Variants in NRG1 observed in about 807,000 individuals in gnomAD.
NRG1 encodes pro-neuregulin-1, membrane-bound isoform.
In NRG1, 18 loss-of-function variants were observed where a neutral mutation model predicts 63.8. That is an observed-to-expected ratio of 0.28 (90% CI 0.19 to 0.42). NRG1 has a LOEUF of 0.42. NRG1 is among the 10% of genes least tolerant of loss of function. The pLI is 1.00. For synonymous variants in NRG1, 302 were observed against 301.3 expected, an observed-to-expected ratio of 1.00 and a Z score of -0.02; for missense variants, 762 against 814.7, an observed-to-expected ratio of 0.94 and a Z score of 0.79.
intron 1 of NRG1, among the ~76,000 whole-genome samples, chr8:31,790,546 G>C (rs1820601377): frequency 6.6e-6 from 1 of 152,122 alleles, no homozygotes. Context: ...AGTTACACAA[G>C]AATACATTTA....
At chr8:32,577,724 C>A (rs375739948) in intron 1 of NRG1, among the ~76,000 whole-genome samples, 3 of 150,798 alleles carry the variant, frequency 2.0e-5, no homozygotes, top group African/African-American at 7.3e-5. Context: ...TTTTTCGAGA[C>A]CTTGGTTCTT....
At chr8:31,908,659 A>G (rs1832710453) in intron 1 of NRG1, among the ~76,000 whole-genome samples, 2 of 152,258 alleles carry the variant, frequency 1.3e-5, no homozygotes, top group Admixed American at 1.3e-4. Flanking sequence ...TTGCACAACA[A>G]GTTAACTTGC....
chr8:31,888,057 C>G (rs1585519294), intron 1 of NRG1, among the ~76,000 whole-genome samples: 1 of 151,300 alleles, frequency 6.6e-6, no homozygotes, highest in Middle Eastern at 3.5e-3. Context: ...ATATATTATA[C>G]ATGTATTGAT....
chr8:31,932,449 T>C (rs1158875077), intron 1 of NRG1, among the ~76,000 whole-genome samples: 1 of 152,208 alleles, frequency 6.6e-6, no homozygotes, highest in Non-Finnish European at 1.5e-5. Flanking sequence ...TGAATCCTTC[T>C]TGTGCTTTTC....
chr8:32,497,584 A>G (rs965299787), intron 1 of NRG1, among the ~76,000 whole-genome samples: 3 of 152,206 alleles, frequency 2.0e-5, no homozygotes, highest in African/African-American at 7.2e-5. Context: ...GGGGCCACAG[A>G]AGTCCAAGTC....
At chr8:32,633,018 G>C (rs1850622010) in intron 5 of NRG1, among the ~76,000 whole-genome samples, 1 of 152,054 alleles carries the variant, frequency 6.6e-6, no homozygotes, top group African/African-American at 2.4e-5. Context: ...ATATCTATAT[G>C]CATGTAATTC....
chr8:32,495,349 G>T (rs1827072719), intron 1 of NRG1, among the ~76,000 whole-genome samples: 1 of 152,216 alleles, frequency 6.6e-6, no homozygotes, highest in African/African-American at 2.4e-5. Context: ...TGTAAGACGT[G>T]ACTTTGTTCC....
chr8:32,537,527 G>A (rs1439265587), intron 1 of NRG1, among the ~76,000 whole-genome samples: 1 of 152,212 alleles, frequency 6.6e-6, no homozygotes, highest in Non-Finnish European at 1.5e-5. Flanking sequence ...CTTTGGGCAT[G>A]AAGCTTCTTT....
At chr8:32,625,785 TTTC>T (rs1261938164) in intron 5 of NRG1, among the ~76,000 whole-genome samples, 23 of 133,914 alleles carry the variant, frequency 1.7e-4, no homozygotes, top group African/African-American at 6.1e-4. Flanking sequence ...TTTTTTTTTT[TTTC>T]TTTTTTCTTT....
At chr8:32,482,367 A>G (rs1484660778) in intron 1 of NRG1, among the ~76,000 whole-genome samples, 1 of 146,204 alleles carries the variant, frequency 6.8e-6, no homozygotes, top group East Asian at 2.0e-4. Flanking sequence ...AACCAATCCA[A>G]ATTTGGGGGT....
chr8:32,534,936 C>A (rs1011802999), intron 1 of NRG1, among the ~76,000 whole-genome samples: 2 of 152,124 alleles, frequency 1.3e-5, no homozygotes, highest in Non-Finnish European at 2.9e-5. Context: ...TTATTTAATA[C>A]ACACTGCAAT....
intron 1 of NRG1, among the ~76,000 whole-genome samples, chr8:31,652,174 T>C (rs1310080372): frequency 6.6e-6 from 1 of 152,184 alleles, no homozygotes; most frequent in African/African-American, 2.4e-5. Context: ...TATTTTTTAG[T>C]TACCTCAAAC....
At chr8:32,500,040 A>C (rs1013385407) in intron 1 of NRG1, among the ~76,000 whole-genome samples, 2 of 152,212 alleles carry the variant, frequency 1.3e-5, no homozygotes, top group African/African-American at 2.4e-5. Flanking sequence ...TTAAAACATA[A>C]AATTTCTTTC....
At chr8:32,219,497 C>G (rs749926355) in intron 1 of NRG1, among the ~76,000 whole-genome samples, 2 of 152,160 alleles carry the variant, frequency 1.3e-5, no homozygotes, top group Non-Finnish European at 2.9e-5. Flanking sequence ...CACATACCAC[C>G]CAGTTTTCAG....
intron 1 of NRG1, among the ~76,000 whole-genome samples, chr8:31,684,436 T>G (rs1372307088): frequency 6.6e-6 from 1 of 152,174 alleles, no homozygotes; most frequent in African/African-American, 2.4e-5. Flanking sequence ...TCGTCAGACA[T>G]TAATTCTGCT....
intron 1 of NRG1, among the ~76,000 whole-genome samples, chr8:32,018,040 A>C (rs1815838743): frequency 6.6e-6 from 1 of 152,362 alleles, no homozygotes; most frequent in South Asian, 2.1e-4. Flanking sequence ...TCAAATCATT[A>C]GAATATGAAA....
At chr8:32,025,837 A>T (rs932918335) in intron 1 of NRG1, among the ~76,000 whole-genome samples, 26 of 150,320 alleles carry the variant, frequency 1.7e-4, no homozygotes, top group African/African-American at 6.3e-4. Context: ...AGTCCCAGCT[A>T]CTCGGGGCTG....
chr8:31,885,913 T>C (rs561813117), intron 1 of NRG1, among the ~76,000 whole-genome samples: 3 of 152,198 alleles, frequency 2.0e-5, no homozygotes, highest in Non-Finnish European at 2.9e-5. Flanking sequence ...TGCTGGGTAA[T>C]CTGGTTGAAA....
At chr8:31,837,595 A>G (rs13258752) in intron 1 of NRG1, among the ~76,000 whole-genome samples, 53,375 of 151,700 alleles carry the variant, frequency 0.35, 11,035 homozygotes, top group East Asian at 0.81. Context: ...ATTCCTTTCT[A>G]TGTAACTATA....
Sources: gnomAD v4.1 joint callset for allele counts (sites outside exome capture counted in the v4.1 genomes callset) on GRCh38, gnomAD v4.1.1 for gene constraint, MANE v1.5 for transcripts, NCBI Gene and HGNC (gene_info 2026-07-23, HGNC 2026-07-21) for gene names.